The following NFIX variants were observed in gnomAD, a reference collection of about 807,000 sequenced individuals.
NFIX encodes the protein nuclear factor I X, also known as nuclear factor 1 X-type.
NFIX carries 2 observed loss-of-function variants against 53.3 expected under a neutral mutation model. The observed-to-expected ratio is 0.04, with a 90% confidence interval of 0.02 to 0.12. NFIX has a LOEUF of 0.12. Ranked by LOEUF, NFIX falls within the 10% of genes least tolerant of loss-of-function variation. The probability of loss-of-function intolerance (pLI) is 1.00; values close to 1 mark genes in which losing one functional copy is unlikely to be tolerated. For synonymous variants in NFIX, 244 were observed against 289.0 expected, an observed-to-expected ratio of 0.84 and a Z score of 1.58; for missense variants, 310 against 674.5, an observed-to-expected ratio of 0.46 and a Z score of 5.99.
chr19:13,016,860 A>G (rs1457640516), intron 1 of NFIX, among the ~76,000 whole-genome samples: 1 of 152,132 alleles, frequency 6.6e-6, no homozygotes, highest in Non-Finnish European at 1.5e-5. Flanking sequence ...TCCTCCGGGC[A>G]GGTACTGACA....
At chr19:13,035,240 A>G (rs987651083) in intron 2 of NFIX, among the ~76,000 whole-genome samples, 1 of 151,944 alleles carries the variant, frequency 6.6e-6, no homozygotes, top group African/African-American at 2.4e-5. Flanking sequence ...AGCATCGTCT[A>G]CTCCTGTGTG....
At position 13,081,810 on chromosome 19, in the gene NFIX, T is replaced by G; in HGVS notation, c.1209T>G (p.Phe403Leu). 1 of 1,613,950 alleles carries G rather than the reference T, an allele frequency of 6.2e-7. No individual in the cohort carries two copies. The highest frequency in any genetic ancestry group is 8.5e-7 in the Non-Finnish European group (1 of 1,179,892). The change falls in exon 8 of 11, where the codon TTT (phenylalanine) becomes TTG (leucine). Residue 403 changes from phenylalanine (F) to leucine (L), a missense_variant. Physicochemically the swap from Phe to Leu is conservative, Grantham distance 22 (BLOSUM62 0). Around this residue, in one of 5 missense-constraint regions of NFIX, gnomAD observed 35 missense variants for 114.8 expected, o/e 0.30. Coordinates refer to ENST00000592199, the MANE Select transcript of NFIX (RefSeq NM_001365902.3). This position sits in a 1 kb window ranked among gnomAD's most constrained non-coding sequence, Gnocchi z 4.7. Reference protein sequence around the residue: ...HHHGQDSLKEFVQFVCSDGSG... With the variant: ...HHHGQDSLKELVQFVCSDGSG... ...ACGGGCAGGACTCACTGAAGGAGTT[T>G]GTGCAGTTTGTGTGCTCGGATGGCT...
In NFIX at chr19:13,040,770, G is replaced by GCA. The variant is rs995336557; in HGVS notation, c.559+15227_559+15228dup. Among the ~76,000 whole-genome samples the GCA allele has an allele frequency of 2.6e-5, 4 of 152,096 alleles. No homozygotes were observed. The highest frequency in any genetic ancestry group is 5.9e-5 in the Non-Finnish European group (4 of 68,024). Reference sequence around the variant, plus strand: ...GGAGGTTTGTCTTTCACACACTCGCGCACACACACAGCCACTTCTCGAAGC... The same window carrying GCA: ...GGAGGTTTGTCTTTCACACACTCGCGCACACACACACAGCCACTTCTCGAAGC... On this transcript the variant is annotated intron_variant, in intron 2 of 10. Coordinates refer to ENST00000592199, the MANE Select transcript of NFIX (RefSeq NM_001365902.3). The surrounding 1 kb of genome is among the most constrained non-coding windows in gnomAD (Gnocchi z 4.2).
intron 2 of NFIX, among the ~76,000 whole-genome samples, chr19:13,058,774 C>T (rs985662542): frequency 5.9e-5 from 9 of 152,044 alleles, no homozygotes; most frequent in African/African-American, 9.7e-5. Context: ...GCACATGAAA[C>T]GTACCCAGCT....
chr19:13,081,557 G>A lies in NFIX; in HGVS notation c.1079-123G>A, dbSNP rs1436793446. On this transcript the variant is annotated intron_variant, in intron 7 of 10. Transcript: ENST00000592199. The surrounding 1 kb of genome is among the most constrained non-coding windows in gnomAD (Gnocchi z 4.7). Reference sequence around the variant, plus strand: ...CCGCCTTAACTTTTGTGCCTGTGGCGGCTGCCTTACCTGCTCAGGATCCTC... The same window carrying A: ...CCGCCTTAACTTTTGTGCCTGTGGCAGCTGCCTTACCTGCTCAGGATCCTC... 3.3e-6 allele frequency: 3 copies of A among 922,576 alleles called. No homozygotes were observed. The highest frequency in any genetic ancestry group is 3.1e-6 in the Non-Finnish European group (2 of 646,536). 57.1% of individuals were successfully genotyped at this position (922,576 alleles called of 1,614,324 possible).
At position 13,097,009 on chromosome 19, in the gene NFIX, A is replaced by C. The variant is rs1350772842; in HGVS notation, c.*2360A>C. 1 of 151,066 alleles carries C rather than the reference A, an allele frequency of 6.6e-6. No individual in the cohort carries two copies. The highest frequency in any genetic ancestry group is 1.5e-5 in the Non-Finnish European group (1 of 67,772). 9.4% of individuals were successfully genotyped at this position (151,066 alleles called of 1,614,324 possible). A position where few individuals can be genotyped will look rare whatever the true frequency, so the allele number is the denominator to read the frequency against. On this transcript the variant is annotated 3_prime_UTR_variant, in exon 11 of 11. Transcript: ENST00000592199. Reference sequence around the variant, plus strand: ...ATTAACTTTTTTTTTTCATTGAACCAAGTGCAATGCATCAGAGAGTTTTCC... The same window carrying C: ...ATTAACTTTTTTTTTTCATTGAACCCAGTGCAATGCATCAGAGAGTTTTCC...
At chr19:13,050,104 GC>G (rs2015237148) in intron 2 of NFIX, among the ~76,000 whole-genome samples, 2 of 152,228 alleles carry the variant, frequency 1.3e-5, no homozygotes, top group Admixed American at 1.3e-4. Context: ...TTTCATAACT[GC>G]ATTCCTTGTG....
intron 2 of NFIX, among the ~76,000 whole-genome samples, chr19:13,054,050 C>T (rs1288286138): frequency 1.3e-5 from 2 of 152,148 alleles, no homozygotes. Flanking sequence ...GTGGTCAGCT[C>T]CTCCCCCACC....
In NFIX at chr19:13,081,936, G is replaced by C; in HGVS notation, c.1254+81G>C. On this transcript the variant is annotated intron_variant, in intron 8 of 10. Transcript: ENST00000592199. The surrounding 1 kb of genome is among the most constrained non-coding windows in gnomAD (Gnocchi z 4.7). Reference sequence around the variant, plus strand: ...TCTGTCTCAGGGCTCACAGGGAGAGGGCCCAAAAGCCAGGAGCCCACCTGG... The same window carrying C: ...TCTGTCTCAGGGCTCACAGGGAGAGCGCCCAAAAGCCAGGAGCCCACCTGG... 6.5e-7 allele frequency: 1 copy of C among 1,540,328 alleles called. No individual in the cohort carries two copies.
At chr19:13,065,870 C>T (rs573770595) in intron 2 of NFIX, among the ~76,000 whole-genome samples, 35 of 152,108 alleles carry the variant, frequency 2.3e-4, no homozygotes, top group Non-Finnish European at 3.8e-4. Context: ...GGCTCCGGGG[C>T]CACTTGCTGG....
intron 6 of NFIX, among the ~76,000 whole-genome samples, chr19:13,077,241 C>G (rs536707320): frequency 5.2e-4 from 79 of 152,284 alleles, no homozygotes; most frequent in South Asian, 5.0e-3. Context: ...GGCTCCTGCT[C>G]TCTCCTTTCT....
At chr19:13,034,200 GTC>G (rs1811871350) in intron 2 of NFIX, among the ~76,000 whole-genome samples, 1 of 152,204 alleles carries the variant, frequency 6.6e-6, no homozygotes, top group Non-Finnish European at 1.5e-5. Context: ...CATCATTGTG[GTC>G]TCTGTCACTC....
At chr19:13,062,443 C>T (rs1482887443) in intron 2 of NFIX, among the ~76,000 whole-genome samples, 1 of 152,222 alleles carries the variant, frequency 6.6e-6, no homozygotes, top group Non-Finnish European at 1.5e-5. Flanking sequence ...TCATCCACTG[C>T]AGCTGTGCTT....
At position 13,002,964 on chromosome 19, in the gene NFIX, G is replaced by T. The variant is rs192156411; in HGVS notation, c.27+7100G>T. On this transcript the variant is annotated intron_variant, in intron 1 of 10. Transcript: ENST00000592199. This position sits in a 1 kb window ranked among gnomAD's most constrained non-coding sequence, Gnocchi z 6.1. ...ACCTGAATCTGTGTGAGCCAAGCTG[G>T]AGGAAAGGACAGCATGGAGGTGCAC... Among the ~76,000 whole-genome samples the T allele has an allele frequency of 3.9e-3, 601 of 152,280 alleles. 5 individuals carry two copies. The highest frequency in any genetic ancestry group is 0.014 in the African/African-American group (578 of 41,554).
chr19:13,098,547 C>A lies in NFIX; in HGVS notation c.*3898C>A. On this transcript the variant is annotated 3_prime_UTR_variant, in exon 11 of 11. Coordinates refer to ENST00000592199, the MANE Select transcript of NFIX (RefSeq NM_001365902.3). Reference sequence around the variant, plus strand: ...GCCTGGTCTCCCCCTCTTCTCTGCCCTCCACCCCCGTCTCTGCACTGAGAT... The same window carrying A: ...GCCTGGTCTCCCCCTCTTCTCTGCCATCCACCCCCGTCTCTGCACTGAGAT... 1 of 151,568 alleles carries A rather than the reference C, an allele frequency of 6.6e-6. No individual in the cohort carries two copies. 9.4% of individuals were successfully genotyped at this position (151,568 alleles called of 1,614,324 possible).
At chr19:13,079,749 T>TA (rs1198752819) in intron 7 of NFIX, among the ~76,000 whole-genome samples, 3 of 152,190 alleles carry the variant, frequency 2.0e-5, no homozygotes, top group Non-Finnish European at 4.4e-5. Context: ...CCTCAGCTTT[T>TA]ATGAACTCCA....
intron 8 of NFIX, among the ~76,000 whole-genome samples, chr19:13,083,575 AT>A (rs1310235027): frequency 1.3e-5 from 2 of 152,208 alleles, no homozygotes; most frequent in Non-Finnish European, 2.9e-5. Flanking sequence ...CAGAGGACTC[AT>A]TTTGCCTAGA....
chr19:13,062,194 G>C (rs1348923703), intron 2 of NFIX, among the ~76,000 whole-genome samples: 3 of 152,206 alleles, frequency 2.0e-5, no homozygotes, highest in African/African-American at 4.8e-5. Flanking sequence ...TCCAGCCCTT[G>C]AGTATGGTGC....
In NFIX at chr19:13,059,235, A is replaced by T. The variant is rs144085593; in HGVS notation, c.560-13812A>T. ...CCTCTTGCAGCCGTTTCAAGGGCTGATGGTTCAGTCTCCCTGTAATTCCAG... is the reference window on the plus strand; with the variant it reads ...CCTCTTGCAGCCGTTTCAAGGGCTGTTGGTTCAGTCTCCCTGTAATTCCAG... On this transcript the variant is annotated intron_variant, in intron 2 of 10. Coordinates refer to ENST00000592199, the MANE Select transcript of NFIX (RefSeq NM_001365902.3). Among the ~76,000 whole-genome samples the T allele has an allele frequency of 2.7e-3, 408 of 152,258 alleles. 6 individuals carry two copies. The highest frequency in any genetic ancestry group is 9.6e-3 in the African/African-American group (397 of 41,542).
Sources: gnomAD v4.1 joint callset for allele counts (sites outside exome capture counted in the v4.1 genomes callset) on GRCh38, gnomAD v4.1.1 for gene constraint, gnomAD v4.1.1 regional missense constraint, Gnocchi (gnomAD v3.1) non-coding constraint, MANE v1.5 for transcripts, NCBI Gene and HGNC (gene_info 2026-07-23, HGNC 2026-07-21) for gene names.